Variants in RYR3 observed in about 807,000 individuals in gnomAD.
RYR3 encodes ryanodine receptor 3.
A neutral mutation model predicts 584.3 loss-of-function variants in RYR3; 207 were observed. That is an observed-to-expected ratio of 0.35 (90% CI 0.32 to 0.40). The LOEUF is 0.40. RYR3 is among the 10% of genes least tolerant of loss of function. RYR3 has a pLI of 1.00. For synonymous variants in RYR3, 2,416 were observed against 2,248.5 expected (o/e 1.07, Z -2.11); for missense variants, 5,616 against 6,089.2 (o/e 0.92, Z 2.59).
chr15:33,543,818 C>T (rs2056027118), intron 8 of RYR3, 103 bp downstream of exon 8: 3 of 815,898 alleles, frequency 3.7e-6, no homozygotes, highest in Admixed American at 1.9e-5. Context: ...CTGTACATGT[C>T]AGTCCATTGA....
rs993583907 is a variant in RYR3, at chr15:33,822,997, A to G, written c.10997A>G (p.Lys3666Arg). ...CCTTACAACGTGTCTCCCTTGCAGA[A>G]AATGCTAGATTACCTAAAGGAGAAA... Reference protein sequence around the residue: ...LNGGNAGVQQKMLDYLKEKKD... With the variant: ...LNGGNAGVQQRMLDYLKEKKD... The change falls in exon 81 of 104, where the codon AAA (lysine) becomes AGA (arginine). Residue 3666 changes from lysine (K) to arginine (R), a missense_variant and splice_region_variant. Lys to Arg is a conservative substitution (Grantham distance 26, BLOSUM62 2). Transcript: ENST00000634891. The G allele has an allele frequency of 1.2e-6, 2 of 1,612,876 alleles. No homozygotes were observed. The highest frequency in any genetic ancestry group is 1.7e-6 in the Non-Finnish European group (2 of 1,179,364).
chr15:33,785,608 C>T (rs1228983909), intron 65 of RYR3, 54 bp from the exon 66 acceptor site: 5 of 1,392,804 alleles, frequency 3.6e-6, no homozygotes, highest in South Asian at 1.4e-5. Flanking sequence ...GAGAAGGAAG[C>T]TTGCACCCAC....
At chr15:33,325,911 C>A (rs973045297) in intron 1 of RYR3, among the ~76,000 whole-genome samples, 2 of 152,126 alleles carry the variant, frequency 1.3e-5, no homozygotes, top group Non-Finnish European at 2.9e-5. Context: ...AAGCAATCCT[C>A]CCACCTCAGC....
chr15:33,734,767 G>A (rs2069284238), intron 48 of RYR3, among the ~76,000 whole-genome samples: 1 of 141,356 alleles, frequency 7.1e-6, no homozygotes, highest in Non-Finnish European at 1.5e-5. Flanking sequence ...TCCACTCTCT[G>A]CAAACTCCGC....
At chr15:33,460,390 G>T (rs2047919488) in intron 1 of RYR3, among the ~76,000 whole-genome samples, 1 of 152,234 alleles carries the variant, frequency 6.6e-6, no homozygotes, top group Non-Finnish European at 1.5e-5. Flanking sequence ...CATTTGGTAT[G>T]CAACTGACTG....
At chr15:33,474,974 C>G (rs927584856) in intron 2 of RYR3, among the ~76,000 whole-genome samples, 2 of 152,128 alleles carry the variant, frequency 1.3e-5, no homozygotes, top group African/African-American at 4.8e-5. Flanking sequence ...AAATTTTTAT[C>G]TTTTTAAAGA....
intron 72 of RYR3, among the ~76,000 whole-genome samples, chr15:33,811,826 T>TA (rs918461859): frequency 7.2e-5 from 11 of 152,052 alleles, no homozygotes; most frequent in African/African-American, 2.2e-4. Flanking sequence ...GTTGGTACAA[T>TA]AAAAAAATAT....
At chr15:33,592,078 T>C (rs2152535121) in intron 16 of RYR3, among the ~76,000 whole-genome samples, 1 of 152,282 alleles carries the variant, frequency 6.6e-6, no homozygotes, top group South Asian at 2.1e-4. Context: ...GTGATGAGAA[T>C]GAAAACCAGA....
At chr15:33,713,411 G>C (rs550538214) in intron 43 of RYR3, among the ~76,000 whole-genome samples, 1 of 151,964 alleles carries the variant, frequency 6.6e-6, no homozygotes, top group Admixed American at 6.6e-5. Context: ...GATGGTGGTG[G>C]CTGATGATGA....
chr15:33,760,146 T>C (rs2072282693), intron 60 of RYR3, among the ~76,000 whole-genome samples: 1 of 152,078 alleles, frequency 6.6e-6, no homozygotes, highest in South Asian at 2.1e-4. Context: ...GCAGTAAATA[T>C]GGAAAGGAAA....
intron 19 of RYR3, among the ~76,000 whole-genome samples, chr15:33,619,307 A>G (rs2060602665): frequency 6.6e-6 from 1 of 152,212 alleles, no homozygotes; most frequent in African/African-American, 2.4e-5. Context: ...TTGTAATGAA[A>G]TCAGTTCTTC....
At chr15:33,344,039 G>A (rs1972140626) in intron 1 of RYR3, among the ~76,000 whole-genome samples, 2 of 152,148 alleles carry the variant, frequency 1.3e-5, no homozygotes, top group Non-Finnish European at 2.9e-5. Context: ...AAATGCTGTC[G>A]CAAGCTTAAA....
chr15:33,532,125 T>A lies in RYR3; in HGVS notation c.355-1186T>A, dbSNP rs532698754. On this transcript the variant is annotated intron_variant, in intron 4 of 103. Coordinates refer to ENST00000634891, the MANE Select transcript of RYR3 (RefSeq NM_001036.6). ...CTTTCTACATTGCAATGATTTTCCA[T>A]CTTCCTCTCGCAGAGAAGTAGAACT... 2.6e-5 allele frequency among the ~76,000 whole-genome samples: 4 copies of A among 152,280 alleles called. No individual in the cohort carries two copies. The East Asian group carries it at 5.8e-4, about 22-fold the overall frequency.
chr15:33,628,716 G>A (rs1262054266), intron 21 of RYR3, 141 bp downstream of exon 21: 6 of 587,642 alleles, frequency 1.0e-5, no homozygotes, highest in Non-Finnish European at 1.8e-5. Flanking sequence ...GACAGAACCA[G>A]AAGTGTCTCC....
At chr15:33,383,647 C>T (rs935938565) in intron 1 of RYR3, among the ~76,000 whole-genome samples, 1 of 152,092 alleles carries the variant, frequency 6.6e-6, no homozygotes, top group African/African-American at 2.4e-5. Flanking sequence ...TACCAACACC[C>T]AGGTGGTGAG....
intron 16 of RYR3, among the ~76,000 whole-genome samples, chr15:33,591,780 TTC>T (rs1276440931): frequency 1.3e-5 from 2 of 152,238 alleles, no homozygotes; most frequent in African/African-American, 4.8e-5. Context: ...ATATCATTGA[TTC>T]TCAGAAAGTA....
At chr15:33,861,325 C>G in intron 102 of RYR3, 147 bp downstream of exon 102, 1 of 575,900 alleles carries the variant, frequency 1.7e-6, no homozygotes. Context: ...TCCATAGACT[C>G]TGTCTCTCCC....
Position 33,483,754 on chromosome 15 carries a change from A to T in RYR3, c.171+10216A>T, listed in dbSNP as rs573575440. ...ATGAGTTGGCAAACAAATTGAGGGG[A>T]ATTTGTATACTGATCTTGGGTTTTA... is the stretch of plus-strand genomic sequence containing the variant. On this transcript the variant is annotated intron_variant, in intron 2 of 103. Transcript: ENST00000634891. Among the ~76,000 whole-genome samples, 12 of 152,196 alleles carry T rather than the reference A, an allele frequency of 7.9e-5. No homozygotes were observed. In the South Asian group the frequency reaches 2.5e-3, roughly 32 times the overall value.
chr15:33,376,012 C>T (rs999129878), intron 1 of RYR3, among the ~76,000 whole-genome samples: 8 of 152,218 alleles, frequency 5.3e-5, no homozygotes, highest in East Asian at 1.9e-4. Flanking sequence ...TACAGTGAGC[C>T]GAGATCGCGC....
Sources: allele counts gnomAD v4.1 joint callset (sites outside exome capture counted in the v4.1 genomes callset), GRCh38; gene constraint gnomAD v4.1.1; transcripts MANE v1.5; gene names NCBI Gene and HGNC (gene_info 2026-07-23, HGNC 2026-07-21).